Variants in KLHDC10 observed in about 807,000 individuals in gnomAD.
KLHDC10 encodes kelch domain-containing protein 10.
A neutral mutation model predicts 56.1 loss-of-function variants in KLHDC10; 24 were observed. The ratio of observed to expected loss-of-function variants is 0.43; its 90% CI spans 0.31 to 0.60. KLHDC10 has a LOEUF of 0.60. Ranked by LOEUF, KLHDC10 falls within the 20% of genes least tolerant of loss-of-function variation. The probability of loss-of-function intolerance (pLI) is 0.11; values close to 1 mark genes in which losing one functional copy is unlikely to be tolerated. For synonymous variants in KLHDC10, 188 were observed against 207.1 expected, an observed-to-expected ratio of 0.91 and a Z score of 0.79; for missense variants, 349 against 567.0, an observed-to-expected ratio of 0.62 and a Z score of 3.91.
At chr7:130,077,374 A>AC (rs1188696718) in intron 1 of KLHDC10, among the ~76,000 whole-genome samples, 1 of 148,714 alleles carries the variant, frequency 6.7e-6, no homozygotes, top group Non-Finnish European at 1.5e-5. Context: ...AAAAAAAAAA[A>AC]AAAAAAAACA....
intron 8 of KLHDC10, among the ~76,000 whole-genome samples, 181 bp from the exon 9 acceptor site, chr7:130,129,256 A>T (rs1055798692): frequency 6.6e-6 from 1 of 152,148 alleles, no homozygotes; most frequent in African/African-American, 2.4e-5. Flanking sequence ...CTGACATAGC[A>T]TCTCAGTTCT....
At chr7:130,108,083 G>C (rs1041987620) in intron 2 of KLHDC10, among the ~76,000 whole-genome samples, 1 of 150,626 alleles carries the variant, frequency 6.6e-6, no homozygotes, top group African/African-American at 2.4e-5. Context: ...AAAAAAACTA[G>C]CTGGTTGAGG....
At chr7:130,109,576 A>G (rs1796072290) in intron 2 of KLHDC10, among the ~76,000 whole-genome samples, 1 of 152,154 alleles carries the variant, frequency 6.6e-6, no homozygotes, top group South Asian at 2.1e-4. Flanking sequence ...ATACTACTAT[A>G]TAAGTTACAG....
intron 2 of KLHDC10, among the ~76,000 whole-genome samples, chr7:130,103,290 G>C (rs959496652): frequency 2.0e-5 from 3 of 152,106 alleles, no homozygotes; most frequent in African/African-American, 7.2e-5. Flanking sequence ...GCCAGGCGTG[G>C]TGGCAGGTGC....
Position 130,070,546 on chromosome 7 carries a change from T to A in KLHDC10, c.-98T>A. 1 of 1,168,874 alleles carries A rather than the reference T, an allele frequency of 8.6e-7. No individual in the cohort carries two copies. The highest frequency in any genetic ancestry group is 4.2e-5 in the South Asian group (1 of 23,880). The allele number at this position is 1,168,874 out of a possible 1,614,324, so 72.4% of individuals were successfully genotyped here. A position where few individuals can be genotyped will look rare whatever the true frequency, so the allele number is the denominator to read the frequency against. Reference sequence around the variant, plus strand: ...GGGACCGGGCGCTGCCCCCTTCCCCTGTCTCCTGGGTCTCTGGAGGAGCCC... The same window carrying A: ...GGGACCGGGCGCTGCCCCCTTCCCCAGTCTCCTGGGTCTCTGGAGGAGCCC... On this transcript the variant is annotated 5_prime_UTR_variant, in exon 1 of 10. Transcript: ENST00000335420.
At chr7:130,070,835 C>A in intron 1 of KLHDC10, 26 bp downstream of exon 1, 1 of 1,295,454 alleles carries the variant, frequency 7.7e-7, no homozygotes, top group Non-Finnish European at 9.8e-7. Context: ...GGGTCCTGAC[C>A]GCTTGCGGGC....
Position 130,132,869 on chromosome 7 carries a change from T to G in KLHDC10, c.*2123T>G, listed in dbSNP as rs1258874689. 6.6e-6 allele frequency: 1 copy of G among 152,262 alleles called. No individual in the cohort carries two copies. Among genetic ancestry groups the G allele is most frequent in the Non-Finnish European group, 1.5e-5 (1 of 68,068 alleles). The allele number at this position is 152,262 out of a possible 1,614,324, so 9.4% of individuals were successfully genotyped here. ...TATACAGGGACCAAAGACTGAATGC[T>G]CAGCCTCTGTGCTTAGACTTTCATG... is the stretch of plus-strand genomic sequence containing the variant. On this transcript the variant is annotated 3_prime_UTR_variant, in exon 10 of 10. Coordinates refer to ENST00000335420, the MANE Select transcript of KLHDC10 (RefSeq NM_014997.4).
chr7:130,122,947 A>G (rs1796267517), intron 5 of KLHDC10, among the ~76,000 whole-genome samples: 2 of 152,188 alleles, frequency 1.3e-5, no homozygotes, highest in Non-Finnish European at 2.9e-5. Context: ...AGTGATGCCC[A>G]GTGAATGTTG....
chr7:130,085,516 A>C (rs974207118), intron 1 of KLHDC10, among the ~76,000 whole-genome samples: 3 of 151,466 alleles, frequency 2.0e-5, no homozygotes, highest in Admixed American at 6.6e-5. Flanking sequence ...TACCTTGTCG[A>C]GAGCAAGGTA....
intron 2 of KLHDC10, among the ~76,000 whole-genome samples, chr7:130,104,459 T>TA (rs772568352): frequency 3.3e-5 from 5 of 152,238 alleles, no homozygotes; most frequent in Non-Finnish European, 5.9e-5. Flanking sequence ...TCAGGATCCT[T>TA]ACTGCAAGCA....
intron 2 of KLHDC10, among the ~76,000 whole-genome samples, chr7:130,100,807 T>C (rs1795919054): frequency 6.6e-6 from 1 of 152,176 alleles, no homozygotes; most frequent in African/African-American, 2.4e-5. Flanking sequence ...CTTCACTAGG[T>C]CCTACATCTT....
chr7:130,101,541 C>T (rs893040820), intron 2 of KLHDC10, among the ~76,000 whole-genome samples: 2 of 152,124 alleles, frequency 1.3e-5, no homozygotes, highest in East Asian at 1.9e-4. Context: ...GTTACTTCCC[C>T]TACTCCTTCT....
intron 2 of KLHDC10, among the ~76,000 whole-genome samples, chr7:130,099,467 A>G (rs1795900156): frequency 6.6e-6 from 1 of 152,150 alleles, no homozygotes; most frequent in Admixed American, 6.6e-5. Context: ...CACACAGGAG[A>G]GGTATCTGAC....
chr7:130,103,221 C>G (rs1795958549), intron 2 of KLHDC10, among the ~76,000 whole-genome samples: 1 of 152,016 alleles, frequency 6.6e-6, no homozygotes, highest in Non-Finnish European at 1.5e-5. Flanking sequence ...GCCAGGATTT[C>G]AAGACCAGCC....
chr7:130,082,485 G>T (rs1021484708), intron 1 of KLHDC10, among the ~76,000 whole-genome samples: 2 of 152,104 alleles, frequency 1.3e-5, no homozygotes, highest in African/African-American at 4.8e-5. Context: ...GTAGGAATTT[G>T]GGATTCTCTT....
At chr7:130,113,396 G>A (rs911765679) in intron 2 of KLHDC10, among the ~76,000 whole-genome samples, 4 of 151,170 alleles carry the variant, frequency 2.6e-5, no homozygotes, top group Admixed American at 6.6e-5. Context: ...GCAGTGGCAC[G>A]ATCTTGACTC....
rs1292136135 is a variant in KLHDC10, at chr7:130,124,530, A to T, written c.859A>T (p.Asn287Tyr). 1 of 1,541,242 alleles carries T rather than the reference A, an allele frequency of 6.5e-7. No individual in the cohort carries two copies. Among genetic ancestry groups the T allele is most frequent in the Non-Finnish European group, 9.0e-7 (1 of 1,115,450 alleles). Residue 287 changes from asparagine (N) to tyrosine (Y), a missense_variant, in exon 6 of 10, where the codon AAC (asparagine) becomes TAC (tyrosine). Physicochemically the swap from Asn to Tyr is moderately radical, Grantham distance 143 (BLOSUM62 -2). Transcript: ENST00000335420. Reference sequence around the variant, plus strand: ...TACTTCCTGGACAGCATATTCCTTAAACAAGGTATATTTTTTTAAAAAGAA... The same window carrying T: ...TACTTCCTGGACAGCATATTCCTTATACAAGGTATATTTTTTTAAAAAGAA... ...GGTSWTAYSL[N>Y]KIHAYNLETN...
chr7:130,073,333 T>C lies in KLHDC10; in HGVS notation c.166+2524T>C, dbSNP rs568636511. Among the ~76,000 whole-genome samples the C allele has an allele frequency of 2.0e-4, 29 of 147,614 alleles. No homozygotes were observed. The East Asian group carries it at 5.3e-3, about 27-fold the overall frequency. On this transcript the variant is annotated intron_variant, in intron 1 of 9. Coordinates refer to ENST00000335420, the MANE Select transcript of KLHDC10 (RefSeq NM_014997.4). ...TTTTTTGAGACAGAGCCTCACTCTG[T>C]GGCCCAGGCTGGAGTGCAGTGGCAC...
chr7:130,110,280 TA>T (rs1796083315), intron 2 of KLHDC10, among the ~76,000 whole-genome samples: 1 of 152,268 alleles, frequency 6.6e-6, no homozygotes, highest in African/African-American at 2.4e-5. Flanking sequence ...TGGGACTTTT[TA>T]TAGACTTAAC....
Sources: allele counts gnomAD v4.1 joint callset (sites outside exome capture counted in the v4.1 genomes callset), GRCh38; gene constraint gnomAD v4.1.1; transcripts MANE v1.5; gene names NCBI Gene and HGNC (gene_info 2026-07-23, HGNC 2026-07-21).